Variants in SNTG1 observed in about 807,000 individuals in gnomAD.
SNTG1 encodes the protein syntrophin gamma 1.
In SNTG1, 39 loss-of-function variants were observed where a neutral mutation model predicts 74.7. That is an observed-to-expected ratio of 0.52 (90% CI 0.40 to 0.68). The LOEUF is 0.68. Among genes scored for constraint, SNTG1 ranks in the 30% least tolerant of loss-of-function variants. The pLI, the probability that SNTG1 is intolerant of heterozygous loss-of-function variation, is 0.00. For synonymous variants in SNTG1, 254 were observed against 217.1 expected (o/e 1.17, Z -1.49); for missense variants, 685 against 609.5 (o/e 1.12, Z -1.30).
At chr8:50,626,160 A>C (rs2094954932) in intron 13 of SNTG1, among the ~76,000 whole-genome samples, 2 of 152,176 alleles carry the variant, frequency 1.3e-5, no homozygotes, top group South Asian at 4.1e-4. Context: ...GTTTATGAGA[A>C]TATATGTGCT....
chr8:50,090,582 G>C (rs1011022257), intron 1 of SNTG1, among the ~76,000 whole-genome samples: 1 of 152,114 alleles, frequency 6.6e-6, no homozygotes, highest in Non-Finnish European at 1.5e-5. Flanking sequence ...TAAGTTATTA[G>C]CTTGGCCGGG....
At chr8:50,671,324 A>T (rs1047085615) in intron 15 of SNTG1, among the ~76,000 whole-genome samples, 1 of 151,974 alleles carries the variant, frequency 6.6e-6, no homozygotes, top group Non-Finnish European at 1.5e-5. Context: ...CAGAATCTAC[A>T]ATGAACTCAA....
chr8:50,325,544 T>C (rs953520647), intron 2 of SNTG1, among the ~76,000 whole-genome samples: 1 of 152,060 alleles, frequency 6.6e-6, no homozygotes, highest in Admixed American at 6.6e-5. Context: ...GAAAAGTGAT[T>C]AAAATTTATA....
intron 1 of SNTG1, among the ~76,000 whole-genome samples, chr8:49,990,963 C>G (rs1813625170): frequency 6.6e-6 from 1 of 152,008 alleles, no homozygotes. Context: ...AAATAAAAAT[C>G]TTGTATTCTT....
At chr8:50,513,516 G>A (rs2448931) in intron 9 of SNTG1, among the ~76,000 whole-genome samples, 21,272 of 152,272 alleles carry the variant, frequency 0.14, 1,564 homozygotes, top group Middle Eastern at 0.17. Context: ...CCCCAGTGGC[G>A]GAGCCTACAA....
chr8:50,220,764 A>G (rs1413589642), intron 2 of SNTG1, among the ~76,000 whole-genome samples: 1 of 152,224 alleles, frequency 6.6e-6, no homozygotes, highest in Non-Finnish European at 1.5e-5. Context: ...TACATGCAGT[A>G]GTGCTTTTCC....
chr8:50,729,743 G>T (rs2095508370), intron 17 of SNTG1, among the ~76,000 whole-genome samples: 3 of 152,174 alleles, frequency 2.0e-5, no homozygotes, highest in African/African-American at 7.2e-5. Flanking sequence ...TAGGCAAGAA[G>T]GATAAGCTGA....
At chr8:49,950,137 C>G (rs1056299579) in intron 1 of SNTG1, among the ~76,000 whole-genome samples, 3 of 151,604 alleles carry the variant, frequency 2.0e-5, no homozygotes, top group African/African-American at 4.8e-5. Context: ...AAAAATCAAT[C>G]AATAAAAAAA....
chr8:50,706,598 A>G (rs1002566641), intron 16 of SNTG1, among the ~76,000 whole-genome samples: 15 of 152,136 alleles, frequency 9.9e-5, no homozygotes, highest in Admixed American at 6.5e-4. Flanking sequence ...ACATTGGCCT[A>G]TTTCCTTACC....
At position 50,723,044 on chromosome 8, in the gene SNTG1, T is replaced by C. The variant is rs1005653953; in HGVS notation, c.1284+14066T>C. On this transcript the variant is annotated intron_variant, in intron 17 of 18. Transcript: ENST00000642720. The stretch of plus-strand genomic sequence containing the variant: ...AAAAAGAAAGTGCTTGCATAAACAA[T>C]GTTAAATGATTTTCTTTTATGAAAA... Among the ~76,000 whole-genome samples the C allele has an allele frequency of 3.7e-4, 57 of 152,146 alleles. 1 individual carries two copies. The highest frequency in any genetic ancestry group is 3.1e-3 in the Admixed American group (48 of 15,270).
chr8:50,562,634 T>G (rs1161658288), intron 12 of SNTG1, among the ~76,000 whole-genome samples: 1 of 152,186 alleles, frequency 6.6e-6, no homozygotes, highest in Non-Finnish European at 1.5e-5. Context: ...CACCTTAGTT[T>G]GTAGGAATTT....
Position 50,458,772 on chromosome 8 carries a change from G to A in SNTG1, c.363+8043G>A, listed in dbSNP as rs928475591. 7.7e-5 allele frequency among the ~76,000 whole-genome samples: 3 copies of A among 38,928 alleles called. No homozygotes were observed. The East Asian group carries it at 2.6e-3, about 33-fold the overall frequency. The allele number at this position is 38,928 out of a possible 152,430, so 25.5% of individuals were successfully genotyped here. On this transcript the variant is annotated intron_variant, in intron 8 of 18. Transcript: ENST00000642720. ...ATGCCATATCACTTTTATTAATTGG[G>A]TTCACTTCTTACTGATTTCTAAGAG... is the stretch of plus-strand genomic sequence containing the variant.
chr8:50,721,748 G>T (rs894055804), intron 17 of SNTG1, among the ~76,000 whole-genome samples: 1 of 152,158 alleles, frequency 6.6e-6, no homozygotes, highest in African/African-American at 2.4e-5. Context: ...CGTGTATGGT[G>T]CTTCCTTTAT....
In SNTG1 at chr8:50,121,837, G is replaced by T. The variant is rs1199252042; in HGVS notation, c.-102-50724G>T. Among the ~76,000 whole-genome samples, 2 of 142,042 alleles carry T rather than the reference G, an allele frequency of 1.4e-5. 1 individual carries two copies. The highest frequency in any genetic ancestry group is 5.1e-5 in the African/African-American group (2 of 39,266). The allele number at this position is 142,042 out of a possible 152,430, so 93.2% of individuals were successfully genotyped here. ...GATAGCACCACTGCACTCCAGCCTG[G>T]GTGAAATAACGCAATGTTTAAGCTT... On this transcript the variant is annotated intron_variant, in intron 1 of 18. Transcript: ENST00000642720.
chr8:50,640,309 T>C (rs2095064568), intron 13 of SNTG1, among the ~76,000 whole-genome samples: 2 of 152,154 alleles, frequency 1.3e-5, no homozygotes, highest in East Asian at 3.9e-4. Context: ...GAAAGACTTA[T>C]AATAACAAGG....
intron 1 of SNTG1, among the ~76,000 whole-genome samples, chr8:50,104,383 T>C (rs1257612913): frequency 2.0e-5 from 3 of 152,212 alleles, no homozygotes; most frequent in African/African-American, 7.2e-5. Context: ...TGGTAGTTTG[T>C]ATTTCTGTGG....
chr8:50,724,750 A>G (rs964011884), intron 17 of SNTG1, among the ~76,000 whole-genome samples: 1 of 152,146 alleles, frequency 6.6e-6, no homozygotes, highest in Non-Finnish European at 1.5e-5. Context: ...TGATCTTGCT[A>G]CAACTCTGTG....
chr8:50,732,052 C>A (rs2095514121), intron 17 of SNTG1, among the ~76,000 whole-genome samples: 2 of 151,890 alleles, frequency 1.3e-5, no homozygotes, highest in South Asian at 2.1e-4. Context: ...CTACTGATAG[C>A]CAAGGATTCA....
At chr8:50,725,300 T>C (rs1455059775) in intron 17 of SNTG1, among the ~76,000 whole-genome samples, 1 of 152,154 alleles carries the variant, frequency 6.6e-6, no homozygotes, top group African/African-American at 2.4e-5. Flanking sequence ...TAAACAACAT[T>C]TTGTGCAATT....
Sources: allele counts gnomAD v4.1 joint callset (sites outside exome capture counted in the v4.1 genomes callset), GRCh38; gene constraint gnomAD v4.1.1; transcripts MANE v1.5; gene names NCBI Gene and HGNC (gene_info 2026-07-23, HGNC 2026-07-21).